Variants in MYPN observed in about 807,000 individuals in gnomAD.
The protein encoded by MYPN is myopalladin.
Under a neutral mutation model 129.4 loss-of-function variants are expected in MYPN, and 63 were observed. That is an observed-to-expected ratio of 0.49 (90% CI 0.40 to 0.60). The LOEUF is 0.60. Ranked by LOEUF, MYPN falls within the 20% of genes least tolerant of loss-of-function variation. The pLI, the probability that MYPN is intolerant of heterozygous loss-of-function variation, is 0.00. For synonymous variants in MYPN, 629 were observed against 600.9 expected (o/e 1.05, Z -0.68); for missense variants, 1,596 against 1,635.4 (o/e 0.98, Z 0.42).
In MYPN at chr10:68,127,361, C is replaced by T. The variant is rs533258974; in HGVS notation, c.902+5021C>T. Reference sequence around the variant, plus strand: ...TTTTTTTTTGAGATGAAGTCTCGCTCTGTCACCCAGGCTGAAGTGCTGGAG... The same window carrying T: ...TTTTTTTTTGAGATGAAGTCTCGCTTTGTCACCCAGGCTGAAGTGCTGGAG... On this transcript the variant is annotated intron_variant, in intron 2 of 19. Transcript: ENST00000358913. Among the ~76,000 whole-genome samples the T allele has an allele frequency of 3.7e-5, 4 of 108,312 alleles. No homozygotes were observed. In the East Asian group the frequency reaches 1.2e-3, roughly 34 times the overall value. The allele number at this position is 108,312 out of a possible 152,430, so 71.1% of individuals were successfully genotyped here. A position where few individuals can be genotyped will look rare whatever the true frequency, so the allele number is the denominator to read the frequency against.
At chr10:68,098,963 A>G (rs2041969892) in intron 1 of MYPN, among the ~76,000 whole-genome samples, 1 of 152,236 alleles carries the variant, frequency 6.6e-6, no homozygotes, top group Non-Finnish European at 1.5e-5. Context: ...AAGCAATTAC[A>G]TATGTTTCGA....
chr10:68,204,876 C>G (rs1022536400), intron 18 of MYPN, among the ~76,000 whole-genome samples: 17 of 152,190 alleles, frequency 1.1e-4, no homozygotes, highest in African/African-American at 3.6e-4. Flanking sequence ...CTAGTCCCCC[C>G]ACTTGCCAGT....
At chr10:68,121,041 G>T (rs2042233265) in intron 1 of MYPN, among the ~76,000 whole-genome samples, 1 of 152,194 alleles carries the variant, frequency 6.6e-6, no homozygotes, top group South Asian at 2.1e-4. Flanking sequence ...CACTTTGGAA[G>T]GCTGAGGTGA....
At chr10:68,173,748 A>C (rs1462188283) in intron 10 of MYPN, among the ~76,000 whole-genome samples, 4 of 151,854 alleles carry the variant, frequency 2.6e-5, no homozygotes, top group African/African-American at 7.2e-5. Flanking sequence ...GGGATCACTA[A>C]AGCAATCCTC....
At chr10:68,173,157 G>A (rs1476395222) in intron 10 of MYPN, among the ~76,000 whole-genome samples, 1 of 152,190 alleles carries the variant, frequency 6.6e-6, no homozygotes. Flanking sequence ...GGGACATATG[G>A]TCACCTTATC....
rs761087512 is a variant in MYPN at position 68,166,633 on chromosome 10, A to T, written c.1940A>T (p.Lys647Ile). Residue 647 changes from lysine (K) to isoleucine (I), a missense_variant, in exon 10 of 20, where the codon AAA becomes ATA. Physicochemically the swap from Lys to Ile is moderately radical, Grantham distance 102 (BLOSUM62 -3). Coordinates refer to ENST00000358913, the MANE Select transcript of MYPN (RefSeq NM_032578.4). ...ACCCCAGAGCCTTCTTCCCCCGTGAAAGAGCCCCCTCCAGTTCTGGCCAAA... is the reference window on the plus strand; with the variant it reads ...ACCCCAGAGCCTTCTTCCCCCGTGATAGAGCCCCCTCCAGTTCTGGCCAAA... The part of the protein sequence containing the change: ...TKTPEPSSPV[K>I]EPPPVLAKPK... 6.2e-7 allele frequency: 1 copy of T among 1,614,088 alleles called. No individual in the cohort carries two copies.
chr10:68,189,333 A>G (rs775568370), intron 13 of MYPN, among the ~76,000 whole-genome samples: 5 of 152,250 alleles, frequency 3.3e-5, no homozygotes, highest in Admixed American at 6.5e-5. Context: ...TGAGATATCC[A>G]TCACTCAAAC....
At chr10:68,119,234 A>T (rs1264012576) in intron 1 of MYPN, among the ~76,000 whole-genome samples, 2 of 152,114 alleles carry the variant, frequency 1.3e-5, no homozygotes, top group Non-Finnish European at 2.9e-5. Flanking sequence ...TGTTCCATGA[A>T]ATTTAATAAA....
At chr10:68,130,274 A>G (rs917038891) in intron 2 of MYPN, among the ~76,000 whole-genome samples, 1 of 152,220 alleles carries the variant, frequency 6.6e-6, no homozygotes, top group Non-Finnish European at 1.5e-5. Context: ...AGCCTGGCCA[A>G]CATTGTGAAA....
At chr10:68,199,673 C>A (rs1314404705) in intron 17 of MYPN, 98 bp downstream of exon 17, 3 of 1,218,412 alleles carry the variant, frequency 2.5e-6, no homozygotes, top group Non-Finnish European at 3.6e-6. Context: ...CTTTGCCCTA[C>A]TAACTCCAAT....
At chr10:68,100,136 A>AT (rs2041975326) in intron 1 of MYPN, among the ~76,000 whole-genome samples, 1 of 152,102 alleles carries the variant, frequency 6.6e-6, no homozygotes, top group African/African-American at 2.4e-5. Context: ...GTAGCATATA[A>AT]TTTTTTCAGT....
At chr10:68,175,520 C>A (rs1369057540) in intron 12 of MYPN, 59 bp downstream of exon 12, 1 of 1,591,166 alleles carries the variant, frequency 6.3e-7, no homozygotes, top group East Asian at 2.2e-5. Flanking sequence ...TTTAATTTTG[C>A]TTGATTCAGT....
chr10:68,119,995 A>T (rs1184856173), intron 1 of MYPN, among the ~76,000 whole-genome samples: 1 of 152,244 alleles, frequency 6.6e-6, no homozygotes, highest in African/African-American at 2.4e-5. Flanking sequence ...ATGGAAAGAA[A>T]TCAACTGAAG....
At chr10:68,100,937 A>T (rs766467339) in intron 1 of MYPN, among the ~76,000 whole-genome samples, 1 of 152,244 alleles carries the variant, frequency 6.6e-6, no homozygotes, top group Non-Finnish European at 1.5e-5. Context: ...CAATTAAATC[A>T]GTTAATGTTG....
intron 2 of MYPN, among the ~76,000 whole-genome samples, chr10:68,123,838 A>G (rs1055291963): frequency 6.6e-6 from 1 of 152,190 alleles, no homozygotes; most frequent in African/African-American, 2.4e-5. Context: ...TTTATAGCCT[A>G]AAAAAGGTCT....
intron 18 of MYPN, among the ~76,000 whole-genome samples, chr10:68,203,205 A>C (rs928719102): frequency 1.3e-5 from 2 of 152,066 alleles, no homozygotes; most frequent in Non-Finnish European, 2.9e-5. Context: ...CCGTGGGGAA[A>C]GCCTAAGACT....
intron 1 of MYPN, among the ~76,000 whole-genome samples, chr10:68,094,482 C>T (rs981611317): frequency 2.6e-5 from 4 of 151,600 alleles, no homozygotes; most frequent in Admixed American, 2.6e-4. Flanking sequence ...GTCTGGTCTT[C>T]AACTCCTGAC....
intron 2 of MYPN, among the ~76,000 whole-genome samples, chr10:68,124,190 A>G (rs778543359): frequency 1.2e-4 from 19 of 152,322 alleles, no homozygotes; most frequent in Non-Finnish European, 1.0e-4. Context: ...CAGGTCCCAC[A>G]AAACCTGGAA....
intron 15 of MYPN, among the ~76,000 whole-genome samples, chr10:68,196,807 CCTCCTT>C (rs2043614899): frequency 6.6e-6 from 1 of 151,930 alleles, no homozygotes; most frequent in Non-Finnish European, 1.5e-5. Flanking sequence ...GCCTCCTCCT[CCTCCTT>C]CTCCTCCTCC....
Sources: gnomAD v4.1 joint callset for allele counts (sites outside exome capture counted in the v4.1 genomes callset) on GRCh38, gnomAD v4.1.1 for gene constraint, MANE v1.5 for transcripts, NCBI Gene and HGNC (gene_info 2026-07-23, HGNC 2026-07-21) for gene names.